The following TSC22D1 variants were observed in gnomAD, a reference collection of about 807,000 sequenced individuals.
The protein encoded by TSC22D1 is TSC22 domain family member 1.
In TSC22D1, 9 loss-of-function variants were observed where a neutral mutation model predicts 74.2. The ratio of observed to expected loss-of-function variants is 0.12; its 90% confidence interval spans 0.07 to 0.21. The LOEUF (loss-of-function observed/expected upper bound fraction) is 0.21, where lower values mean the gene tolerates loss of function less well. TSC22D1 is among the 10% of genes least tolerant of loss of function. TSC22D1 has a pLI of 1.00. For missense variants in TSC22D1, 1,427 were observed against 1,304.7 expected (o/e 1.09, Z -1.44); for synonymous variants, 586 against 492.5 (o/e 1.19, Z -2.51).
chr13:44,474,533 A>G (rs768656881), intron 1 of TSC22D1, among the ~76,000 whole-genome samples: 1 of 152,244 alleles, frequency 6.6e-6, no homozygotes, highest in East Asian at 1.9e-4. Flanking sequence ...AGTTAATAAC[A>G]TAAGACCTCT....
chr13:44,498,491 A>G (rs372593884), intron 1 of TSC22D1, among the ~76,000 whole-genome samples: 19 of 152,228 alleles, frequency 1.2e-4, no homozygotes, highest in African/African-American at 4.6e-4. Context: ...CATACCAACC[A>G]TTTATGCCAT....
At chr13:44,462,792 T>C (rs1300682005) in intron 1 of TSC22D1, among the ~76,000 whole-genome samples, 1 of 151,918 alleles carries the variant, frequency 6.6e-6, no homozygotes, top group Non-Finnish European at 1.5e-5. Context: ...ACAAAATAAG[T>C]CATAAAACTA....
At chr13:44,526,484 A>T (rs1349375686) in intron 1 of TSC22D1, among the ~76,000 whole-genome samples, 1 of 152,192 alleles carries the variant, frequency 6.6e-6, no homozygotes, top group East Asian at 1.9e-4. Context: ...GCAAAGAAAA[A>T]AAAAAGGAAT....
intron 1 of TSC22D1, among the ~76,000 whole-genome samples, chr13:44,450,480 C>T (rs1181574417): frequency 1.3e-5 from 2 of 152,034 alleles, no homozygotes; most frequent in Admixed American, 6.6e-5. Flanking sequence ...TATAAGACTA[C>T]AAGAGATGGA....
At chr13:44,462,402 A>G (rs373512362) in intron 1 of TSC22D1, among the ~76,000 whole-genome samples, 2 of 152,238 alleles carry the variant, frequency 1.3e-5, no homozygotes, top group East Asian at 3.8e-4. Context: ...ATGGAAAAAG[A>G]AAGCAGACTT....
intron 1 of TSC22D1, among the ~76,000 whole-genome samples, chr13:44,505,124 T>C (rs1879387818): frequency 6.6e-6 from 1 of 152,168 alleles, no homozygotes; most frequent in South Asian, 2.1e-4. Context: ...CCTTGTATGA[T>C]TTGGTCAAAA....
chr13:44,530,197 T>C (rs774569627), intron 1 of TSC22D1, among the ~76,000 whole-genome samples: 1 of 152,122 alleles, frequency 6.6e-6, no homozygotes, highest in Non-Finnish European at 1.5e-5. Flanking sequence ...AGTATGATAT[T>C]GGCAAAGAAA....
At chr13:44,494,375 CAAAAAAAAAAAA>C (rs57468850) in intron 1 of TSC22D1, among the ~76,000 whole-genome samples, 157 of 26,472 alleles carry the variant, frequency 5.9e-3, no homozygotes, top group African/African-American at 0.023. Context: ...GACTCCGTAT[CAAAAAAAAAAAA>C]AAAAAAAAAA....
intron 1 of TSC22D1, among the ~76,000 whole-genome samples, chr13:44,444,944 C>T (rs1180231981): frequency 6.6e-6 from 1 of 151,968 alleles, no homozygotes; most frequent in Non-Finnish European, 1.5e-5. Context: ...TAAAGAAAAC[C>T]TCAAGCTCAA....
Position 44,573,993 on chromosome 13 carries a change from C to CA in TSC22D1, c.2081dup (p.Pro695AlafsTer86), listed in dbSNP as rs1883987326. 1 of 1,613,906 alleles carries CA rather than the reference C, an allele frequency of 6.2e-7. No individual in the cohort carries two copies. Among genetic ancestry groups the CA allele is most frequent in the African/African-American group, 1.3e-5 (1 of 74,960 alleles). On this transcript the variant is annotated frameshift_variant, in exon 1 of 3. Coordinates refer to ENST00000458659, the MANE Select transcript of TSC22D1 (RefSeq NM_183422.4). LOFTEE classifies it high-confidence loss of function. ...CTGGGACTGCTGTGGGCTGCACTGG[C>CA]AGCTGGATACCCTGTGGCTGAGCCA...
chr13:44,550,736 A>G (rs1194648552), intron 1 of TSC22D1, among the ~76,000 whole-genome samples: 1 of 151,894 alleles, frequency 6.6e-6, no homozygotes, highest in Admixed American at 6.6e-5. Context: ...TTCCTTCAAA[A>G]CCAATCAGCC....
intron 1 of TSC22D1, among the ~76,000 whole-genome samples, chr13:44,445,328 CA>C (rs34720179): frequency 1.0e-3 from 143 of 141,724 alleles, no homozygotes; most frequent in African/African-American, 2.0e-3. Flanking sequence ...GGAACAACTG[CA>C]AAAAAAAAAA....
chr13:44,442,561 T>C (rs955375920), intron 1 of TSC22D1, among the ~76,000 whole-genome samples: 60 of 152,216 alleles, frequency 3.9e-4, no homozygotes, highest in African/African-American at 1.4e-3. Flanking sequence ...ACAGAAGTAG[T>C]ATTAGTGATA....
intron 1 of TSC22D1, among the ~76,000 whole-genome samples, chr13:44,569,761 T>A (rs1297201106): frequency 6.6e-6 from 1 of 152,144 alleles, no homozygotes; most frequent in Non-Finnish European, 1.5e-5. Context: ...ATTTGTTGCA[T>A]AAATTATATG....
At chr13:44,501,867 A>AT (rs1879235418) in intron 1 of TSC22D1, among the ~76,000 whole-genome samples, 1 of 152,212 alleles carries the variant, frequency 6.6e-6, no homozygotes, top group African/African-American at 2.4e-5. Flanking sequence ...CAAAGTCGCC[A>AT]AATGATCTTT....
rs1326863162 is a variant in TSC22D1 at position 44,536,175 on chromosome 13, T to C, written c.2912+36988A>G. Among the ~76,000 whole-genome samples, 9 of 152,062 alleles carry C rather than the reference T, an allele frequency of 5.9e-5. No homozygotes were observed. In the South Asian group the frequency reaches 1.0e-3, roughly 17 times the overall value. On this transcript the variant is annotated intron_variant, in intron 1 of 2. Coordinates refer to ENST00000458659, the MANE Select transcript of TSC22D1 (RefSeq NM_183422.4). The stretch of plus-strand genomic sequence containing the variant: ...TAAATCATAACTGCCTTTTAGAAAT[T>C]TGATTTCTTTCAGAGTATTAATTTC...
intron 1 of TSC22D1, among the ~76,000 whole-genome samples, chr13:44,551,389 GGTGTGTGTGTGTGTGTGTGTGTGTGT>G (rs376368576): frequency 1.6e-5 from 2 of 125,252 alleles, no homozygotes; most frequent in African/African-American, 6.2e-5. Flanking sequence ...CAATCAGATG[GGTGTGTGTGTGTGTGTGTGTGTGTGT>G]GTGTGTGTGT....
chr13:44,437,832 G>C (rs1874856596), intron 1 of TSC22D1, among the ~76,000 whole-genome samples: 1 of 152,176 alleles, frequency 6.6e-6, no homozygotes, highest in African/African-American at 2.4e-5. Flanking sequence ...GTTAGTCTCT[G>C]CCCATTTGCA....
At chr13:44,454,894 G>C (rs542154383) in intron 1 of TSC22D1, among the ~76,000 whole-genome samples, 14 of 152,234 alleles carry the variant, frequency 9.2e-5, no homozygotes, top group African/African-American at 3.4e-4. Context: ...TCAGTCCCTT[G>C]AAAGACTGGT....
Sources: gnomAD v4.1 joint callset for allele counts (sites outside exome capture counted in the v4.1 genomes callset) on GRCh38, gnomAD v4.1.1 for gene constraint, MANE v1.5 for transcripts, NCBI Gene and HGNC (gene_info 2026-07-23, HGNC 2026-07-21) for gene names.